SPOCK1: variants seen among roughly 807,000 people sequenced by gnomAD.
SPOCK1 encodes the protein SPARC (osteonectin), cwcv and kazal like domains proteoglycan 1, also known as testican-1.
Under a neutral mutation model 55.3 loss-of-function variants are expected in SPOCK1, and 23 were observed. The ratio of observed to expected loss-of-function variants is 0.42; its 90% CI spans 0.30 to 0.59. SPOCK1 has a LOEUF of 0.59. Among genes scored for constraint, SPOCK1 ranks in the 20% least tolerant of loss-of-function variants. The pLI, the probability that SPOCK1 is intolerant of heterozygous loss-of-function variation, is 0.22. For missense variants in SPOCK1, 499 were observed against 552.5 expected (o/e 0.90, Z 0.97); for synonymous variants, 226 against 221.0 (o/e 1.02, Z -0.20).
chr5:137,395,012 T>C (rs964021977), intron 2 of SPOCK1, among the ~76,000 whole-genome samples: 4 of 152,208 alleles, frequency 2.6e-5, no homozygotes, highest in African/African-American at 9.6e-5. Flanking sequence ...CTTCTGCCCA[T>C]TGGTGCATGG....
rs1755194006 is a variant in SPOCK1 at position 137,192,190 on chromosome 5, AC to A, written c.233-51497del. Among the ~76,000 whole-genome samples the A allele has an allele frequency of 1.4e-5, 2 of 140,564 alleles. 1 individual carries two copies. The highest frequency in any genetic ancestry group is 1.6e-4 in the Admixed American group (2 of 12,646). 92.2% of individuals were successfully genotyped at this position (140,564 alleles called of 152,430 possible). On this transcript the variant is annotated intron_variant, in intron 3 of 10. Coordinates refer to ENST00000394945, the MANE Select transcript of SPOCK1 (RefSeq NM_004598.4). ...GAGGTGGAGGTTGAGCCGAGATCAC[AC>A]CACTGCACTCCAGCCTGGGTGACAG...
intron 4 of SPOCK1, among the ~76,000 whole-genome samples, chr5:137,126,655 G>A (rs746736366): frequency 4.6e-5 from 7 of 152,104 alleles, no homozygotes; most frequent in African/African-American, 9.7e-5. Context: ...CAAGCTACTC[G>A]GGAGGCTGAG....
chr5:137,374,326 G>T (rs1443117190), intron 2 of SPOCK1, among the ~76,000 whole-genome samples: 1 of 152,168 alleles, frequency 6.6e-6, no homozygotes, highest in Non-Finnish European at 1.5e-5. Context: ...GAAGCCCCAG[G>T]CAGTCTTTAT....
chr5:137,312,911 G>T (rs1321627933), intron 2 of SPOCK1, among the ~76,000 whole-genome samples: 8 of 152,150 alleles, frequency 5.3e-5, no homozygotes, highest in Non-Finnish European at 1.2e-4. Context: ...GCCCACTTCT[G>T]TGTAGATCTG....
At chr5:137,485,934 T>A (rs1484580983) in intron 2 of SPOCK1, among the ~76,000 whole-genome samples, 1 of 152,206 alleles carries the variant, frequency 6.6e-6, no homozygotes, top group Non-Finnish European at 1.5e-5. Context: ...GTGTGTTCAC[T>A]TTGAGAAACT....
At chr5:137,451,315 A>G (rs556476464) in intron 2 of SPOCK1, among the ~76,000 whole-genome samples, 18 of 152,186 alleles carry the variant, frequency 1.2e-4, no homozygotes, top group Non-Finnish European at 2.1e-4. Flanking sequence ...ATGTTTTTCA[A>G]AGTGACTGTC....
chr5:137,103,165 A>G (rs543119101), intron 5 of SPOCK1, among the ~76,000 whole-genome samples: 149 of 152,040 alleles, frequency 9.8e-4, no homozygotes, highest in African/African-American at 3.5e-3. Context: ...TGACTTTTGT[A>G]TTTTTAGTAG....
intron 6 of SPOCK1, among the ~76,000 whole-genome samples, chr5:137,023,633 T>C (rs548398188): frequency 1.2e-4 from 18 of 152,270 alleles, no homozygotes; most frequent in African/African-American, 4.3e-4. Context: ...GTGCTACCGA[T>C]GGACAGAAGG....
chr5:137,333,566 G>C (rs974109110), intron 2 of SPOCK1, among the ~76,000 whole-genome samples: 1 of 152,102 alleles, frequency 6.6e-6, no homozygotes, highest in African/African-American at 2.4e-5. Flanking sequence ...AGGATGTTTT[G>C]ATAAAAAAGA....
chr5:137,410,393 T>C (rs537183893), intron 2 of SPOCK1, among the ~76,000 whole-genome samples: 5 of 152,220 alleles, frequency 3.3e-5, no homozygotes, highest in African/African-American at 1.2e-4. Context: ...TGGAAACTGA[T>C]GACCATGTAG....
chr5:137,140,751 T>C (rs1754079778), intron 3 of SPOCK1, 57 bp from the exon 4 acceptor site: 1 of 803,192 alleles, frequency 1.2e-6, no homozygotes, highest in Non-Finnish European at 1.7e-6. Flanking sequence ...AATTTAATTT[T>C]TTTTTTTTTT....
chr5:137,221,386 A>G (rs1466776929), intron 3 of SPOCK1, among the ~76,000 whole-genome samples: 1 of 152,198 alleles, frequency 6.6e-6, no homozygotes, highest in African/African-American at 2.4e-5. Context: ...CCTAAAATGA[A>G]AATTATTACA....
At chr5:137,169,768 A>G (rs1234268816) in intron 3 of SPOCK1, among the ~76,000 whole-genome samples, 2 of 152,188 alleles carry the variant, frequency 1.3e-5, no homozygotes, top group Non-Finnish European at 2.9e-5. Context: ...CATTTTACCA[A>G]TATGAAAAGC....
intron 6 of SPOCK1, among the ~76,000 whole-genome samples, chr5:137,038,857 AG>A (rs1463931558): frequency 9.9e-5 from 15 of 152,210 alleles, no homozygotes; most frequent in African/African-American, 3.6e-4. Context: ...GCTCTATGAG[AG>A]CAGAAACTGC....
chr5:137,112,464 C>G lies in SPOCK1; in HGVS notation c.445G>C (p.Gly149Arg). ...GATGTGTAGGAGTGGCCATCTGAGCCGCAGACCATGGCTGACTGTGCCACG... is the reference window on the plus strand; with the variant it reads ...GATGTGTAGGAGTGGCCATCTGAGCGGCAGACCATGGCTGACTGTGCCACG... Reference protein sequence around the residue: ...CPVAQSAMVCGSDGHSYTSKC... With the variant: ...CPVAQSAMVCRSDGHSYTSKC... The change falls in exon 5 of 11, where the codon GGC (glycine) becomes CGC (arginine). Residue 149 changes from glycine (G) to arginine (R), a missense_variant. This residue lies in a region of SPOCK1 where 386 missense variants were observed against 400.6 expected (regional missense o/e 0.96). Transcript: ENST00000394945. 6.2e-7 allele frequency: 1 copy of G among 1,613,852 alleles called. No homozygotes were observed. The highest frequency in any genetic ancestry group is 1.7e-4 in the Middle Eastern group (1 of 5,904).
At chr5:137,461,633 G>A (rs1753491348) in intron 2 of SPOCK1, among the ~76,000 whole-genome samples, 1 of 152,012 alleles carries the variant, frequency 6.6e-6, no homozygotes, top group Non-Finnish European at 1.5e-5. Flanking sequence ...TGTGCTCCAG[G>A]GCCTGCATTT....
chr5:137,480,856 C>T (rs1753936860), intron 2 of SPOCK1, among the ~76,000 whole-genome samples: 1 of 151,928 alleles, frequency 6.6e-6, no homozygotes, highest in African/African-American at 2.4e-5. Flanking sequence ...AAGAGAGACT[C>T]CTGAGCATAC....
intron 3 of SPOCK1, among the ~76,000 whole-genome samples, chr5:137,257,151 G>C (rs7722684): frequency 0.042 from 6,332 of 152,232 alleles, 195 homozygotes; most frequent in East Asian, 0.13. Context: ...GTTTCAAGGT[G>C]CCTAGCAGAA....
At chr5:137,377,114 A>AT (rs1751335186) in intron 2 of SPOCK1, among the ~76,000 whole-genome samples, 1 of 152,124 alleles carries the variant, frequency 6.6e-6, no homozygotes, top group African/African-American at 2.4e-5. Context: ...CCCTCCTCCA[A>AT]TTTTTTGTCT....
Sources: gnomAD v4.1 joint callset for allele counts (sites outside exome capture counted in the v4.1 genomes callset) on GRCh38, gnomAD v4.1.1 for gene constraint, gnomAD v4.1.1 regional missense constraint, MANE v1.5 for transcripts, NCBI Gene and HGNC (gene_info 2026-07-23, HGNC 2026-07-21) for gene names.